Variants in XKR4 observed in about 807,000 individuals in gnomAD.
XKR4 encodes the protein XK related 4.
In XKR4, 12 loss-of-function variants were observed where a neutral mutation model predicts 53.9. The ratio of observed to expected loss-of-function variants is 0.22; its 90% confidence interval spans 0.14 to 0.36. XKR4 has a LOEUF of 0.36. Ranked by LOEUF, XKR4 falls within the 10% of genes least tolerant of loss-of-function variation. XKR4 has a pLI of 1.00. For missense variants in XKR4, 799 were observed against 859.5 expected (o/e 0.93, Z 0.88); for synonymous variants, 354 against 362.4 (o/e 0.98, Z 0.26).
chr8:55,518,648 G>T (rs529958869), intron 2 of XKR4, among the ~76,000 whole-genome samples: 2 of 152,284 alleles, frequency 1.3e-5, no homozygotes, highest in South Asian at 2.1e-4. Flanking sequence ...TCGTAGGCCC[G>T]TGGGGTTTCA....
chr8:55,244,976 A>G (rs1818265107), intron 1 of XKR4, among the ~76,000 whole-genome samples: 1 of 146,320 alleles, frequency 6.8e-6, no homozygotes, highest in Admixed American at 7.1e-5. Flanking sequence ...ATCTTGGCTC[A>G]CTGCAATCTC....
intron 2 of XKR4, among the ~76,000 whole-genome samples, chr8:55,415,897 T>C (rs1207503488): frequency 1.3e-5 from 2 of 152,200 alleles, no homozygotes; most frequent in Non-Finnish European, 2.9e-5. Flanking sequence ...AGTAGCCTTA[T>C]GGTATATGGA....
intron 2 of XKR4, among the ~76,000 whole-genome samples, chr8:55,496,310 G>A (rs1348712518): frequency 6.6e-6 from 1 of 152,112 alleles, no homozygotes; most frequent in African/African-American, 2.4e-5. Context: ...CCAATTCCTG[G>A]ACCAGGGTCT....
intron 1 of XKR4, among the ~76,000 whole-genome samples, chr8:55,338,433 G>T (rs1447672291): frequency 6.6e-6 from 1 of 152,214 alleles, no homozygotes; most frequent in Non-Finnish European, 1.5e-5. Flanking sequence ...AGGGTGCAAT[G>T]GCAAGCTGGT....
chr8:55,375,437 C>G (rs920169751), intron 2 of XKR4, among the ~76,000 whole-genome samples: 1 of 152,128 alleles, frequency 6.6e-6, no homozygotes. Flanking sequence ...AATTTAAACT[C>G]GTTTCACCTA....
chr8:55,107,729 A>AG (rs1274941412), intron 1 of XKR4, among the ~76,000 whole-genome samples: 1 of 152,212 alleles, frequency 6.6e-6, no homozygotes, highest in Non-Finnish European at 1.5e-5. Flanking sequence ...AGGAGGATAT[A>AG]GGTTACACCT....
intron 2 of XKR4, among the ~76,000 whole-genome samples, chr8:55,386,205 T>G (rs554017015): frequency 6.6e-6 from 1 of 152,270 alleles, no homozygotes; most frequent in East Asian, 1.9e-4. Context: ...CGGGGAGCCC[T>G]TCCTGGGATC....
intron 2 of XKR4, among the ~76,000 whole-genome samples, chr8:55,428,190 A>G (rs1307794609): frequency 6.6e-6 from 1 of 152,342 alleles, no homozygotes; most frequent in East Asian, 1.9e-4. Context: ...TATATAAAGC[A>G]AACATAAGAA....
chr8:55,381,777 T>C (rs1804237479), intron 2 of XKR4, among the ~76,000 whole-genome samples: 1 of 152,228 alleles, frequency 6.6e-6, no homozygotes, highest in Non-Finnish European at 1.5e-5. Context: ...TTAAGTCAAG[T>C]TGCCACCTAA....
At chr8:55,487,125 C>G (rs1806203987) in intron 2 of XKR4, among the ~76,000 whole-genome samples, 1 of 152,168 alleles carries the variant, frequency 6.6e-6, no homozygotes, top group East Asian at 1.9e-4. Context: ...CTCAGATGGC[C>G]TCAGAGCCAG....
chr8:55,336,398 C>G (rs1803462727), intron 1 of XKR4, among the ~76,000 whole-genome samples: 1 of 152,096 alleles, frequency 6.6e-6, no homozygotes, highest in South Asian at 2.1e-4. Context: ...CTTTTTCTTC[C>G]CAGTTTTGGA....
chr8:55,510,716 A>C (rs1305379553), intron 2 of XKR4, among the ~76,000 whole-genome samples: 2 of 152,320 alleles, frequency 1.3e-5, no homozygotes, highest in South Asian at 4.1e-4. Context: ...GGTGATCTTC[A>C]TCATATTATT....
intron 1 of XKR4, among the ~76,000 whole-genome samples, chr8:55,300,429 G>A (rs1819174882): frequency 6.6e-6 from 1 of 152,152 alleles, no homozygotes; most frequent in African/African-American, 2.4e-5. Context: ...ACTAGTTCAG[G>A]GACAGGTGAC....
intron 1 of XKR4, among the ~76,000 whole-genome samples, chr8:55,213,231 T>G (rs1383431994): frequency 6.6e-6 from 1 of 152,212 alleles, no homozygotes; most frequent in Non-Finnish European, 1.5e-5. Flanking sequence ...CCCTGAAAAT[T>G]CAGAGACTGG....
At chr8:55,419,688 C>T (rs1394397622) in intron 2 of XKR4, among the ~76,000 whole-genome samples, 1 of 152,174 alleles carries the variant, frequency 6.6e-6, no homozygotes, top group Non-Finnish European at 1.5e-5. Context: ...TGAATTGATT[C>T]ATTCCTCAGC....
chr8:55,507,669 G>C (rs972307172), intron 2 of XKR4, among the ~76,000 whole-genome samples: 2 of 152,102 alleles, frequency 1.3e-5, no homozygotes, highest in African/African-American at 4.8e-5. Flanking sequence ...CCCTGCAAAG[G>C]ACATGAACTC....
intron 2 of XKR4, among the ~76,000 whole-genome samples, chr8:55,411,776 G>T (rs1461453614): frequency 6.6e-6 from 1 of 152,188 alleles, no homozygotes; most frequent in East Asian, 1.9e-4. Context: ...AAGTGGCCCA[G>T]GTGCAGTAAT....
In XKR4 at chr8:55,102,713, G is replaced by A. The variant is rs930599377; in HGVS notation, c.225G>A (p.Ala75=). The A allele has an allele frequency of 8.7e-7, 1 of 1,149,246 alleles. No homozygotes were observed. The highest frequency in any genetic ancestry group is 1.1e-6 in the Non-Finnish European group (1 of 933,592). 71.2% of individuals were successfully genotyped at this position (1,149,246 alleles called of 1,614,324 possible). Residue 75 remains alanine, a synonymous_variant, in exon 1 of 3, where the codon GCG becomes GCA. Coordinates refer to ENST00000327381, the MANE Select transcript of XKR4 (RefSeq NM_052898.2). The surrounding 1 kb of genome is among the most constrained non-coding windows in gnomAD (Gnocchi z 5.1). ...GCTGCGCCGGGAGTGGCGGCTCCGCGGGCTCGGGCGGCTCCGGCGGCGTCG... is the reference window on the plus strand; with the variant it reads ...GCTGCGCCGGGAGTGGCGGCTCCGCAGGCTCGGGCGGCTCCGGCGGCGTCG... ...CCCCAGSGGS[A]GSGGSGGVAG... is the part of the protein sequence containing the mutation.
At chr8:55,111,023 A>G (rs1198904241) in intron 1 of XKR4, among the ~76,000 whole-genome samples, 2 of 152,188 alleles carry the variant, frequency 1.3e-5, no homozygotes, top group Admixed American at 6.5e-5. Context: ...ACCCTAAAAT[A>G]GACGGAGAGG....
Sources: allele counts gnomAD v4.1 joint callset (sites outside exome capture counted in the v4.1 genomes callset), GRCh38; gene constraint gnomAD v4.1.1; non-coding constraint Gnocchi (gnomAD v3.1); transcripts MANE v1.5; gene names NCBI Gene and HGNC (gene_info 2026-07-23, HGNC 2026-07-21).